The following MYH2 variants were observed in gnomAD, a reference collection of about 807,000 sequenced individuals.
MYH2 encodes myosin-2.
MYH2 carries 139 observed loss-of-function variants against 228.1 expected under a neutral mutation model. That is an observed-to-expected ratio of 0.61 (90% CI 0.53 to 0.70). The LOEUF is 0.70. Among genes scored for constraint, MYH2 ranks in the 30% least tolerant of loss-of-function variants. The pLI is 0.00. For missense variants in MYH2, 1,809 were observed against 2,357.5 expected (o/e 0.77, Z 4.82); for synonymous variants, 796 against 871.1 (o/e 0.91, Z 1.52).
intron 12 of MYH2, 135 bp from the exon 13 acceptor site, chr17:10,539,697 A>G: frequency 8.4e-7 from 1 of 1,193,008 alleles, no homozygotes; most frequent in Non-Finnish European, 1.2e-6. Context: ...CCATTTGTTC[A>G]TTAAGTTCAA....
intron 35 of MYH2, 21 bp from the exon 36 acceptor site, chr17:10,523,905 C>T: frequency 6.2e-7 from 1 of 1,607,758 alleles, no homozygotes; most frequent in Non-Finnish European, 8.5e-7. Context: ...AGAATTTGTA[C>T]ATTTAAAAAA....
chr17:10,526,530 TC>T, intron 30 of MYH2, 68 bp downstream of exon 30: 1 of 1,602,576 alleles, frequency 6.2e-7, no homozygotes, highest in Non-Finnish European at 8.6e-7. Context: ...CACTGAATCT[TC>T]AAAGGTCATG....
In MYH2 at chr17:10,528,986, C is replaced by G; in HGVS notation, c.3448G>C (p.Glu1150Gln). The G allele has an allele frequency of 6.2e-7, 1 of 1,614,204 alleles. No homozygotes were observed. The highest frequency in any genetic ancestry group is 1.3e-5 in the African/African-American group (1 of 75,074). Residue 1150 changes from glutamate (E) to glutamine (Q), a missense_variant, in exon 27 of 40, where the codon GAG becomes CAG. Coordinates refer to ENST00000245503, the MANE Select transcript of MYH2 (RefSeq NM_017534.6). The stretch of plus-strand genomic sequence containing the variant: ...TCTTCCAGCCTCTCGCTGATCTCCT[C>G]CAGCTCCCGGGAGAGGTCAGAGCGC... The part of the protein sequence containing the change: ...KQRSDLSREL[E>Q]EISERLEEAG...
chr17:10,531,060 G>A (rs1315351430), intron 22 of MYH2, among the ~76,000 whole-genome samples: 1 of 152,208 alleles, frequency 6.6e-6, no homozygotes, highest in Admixed American at 6.5e-5. Context: ...AGACAATTGG[G>A]AAGTAGGCTG....
chr17:10,534,346 G>A lies in MYH2; in HGVS notation c.2181-714C>T, dbSNP rs1413359038. ...TGAATAGCTATGTTTGTATGGAAGA[G>A]TTTCTAACTCAACCACTTAATAACT... On this transcript the variant is annotated intron_variant, in intron 19 of 39. Transcript: ENST00000245503. Among the ~76,000 whole-genome samples, 3 of 152,226 alleles carry A rather than the reference G, an allele frequency of 2.0e-5. No homozygotes were observed. The East Asian group carries it at 5.8e-4, about 29-fold the overall frequency.
At chr17:10,533,254 T>C in intron 21 of MYH2, 31 bp downstream of exon 21, 3 of 1,613,176 alleles carry the variant, frequency 1.9e-6, no homozygotes, top group South Asian at 2.2e-5. Context: ...TTTTTGAAGA[T>C]GGAATATGTG....
chr17:10,535,426 G>T, intron 17 of MYH2, 61 bp from the exon 18 acceptor site: 1 of 1,391,750 alleles, frequency 7.2e-7, no homozygotes, highest in East Asian at 2.3e-5. Context: ...AGCAGTCATT[G>T]GTGTCTATAA....
chr17:10,548,314 T>A (rs1260345458), intron 2 of MYH2, among the ~76,000 whole-genome samples: 6 of 152,212 alleles, frequency 3.9e-5, no homozygotes. Flanking sequence ...TCTGCCTTTC[T>A]AAATTCACAG....
At position 10,544,147 on chromosome 17, in the gene MYH2, C is replaced by G. The variant is rs368387130; in HGVS notation, c.506-20G>C. Reference sequence around the variant, plus strand: ...CTCGGTCTACAAAAGAAATTATAGACATTTAATACTGTTTTCTTACATATT... The same window carrying G: ...CTCGGTCTACAAAAGAAATTATAGAGATTTAATACTGTTTTCTTACATATT... On this transcript the variant is annotated intron_variant, in intron 5 of 39. Coordinates refer to ENST00000245503, the MANE Select transcript of MYH2 (RefSeq NM_017534.6). The G allele has an allele frequency of 2.3e-5, 37 of 1,609,616 alleles. No homozygotes were observed. In the African/African-American group the frequency reaches 4.0e-4, roughly 17 times the overall value.
chr17:10,545,274 T>C, intron 5 of MYH2, 72 bp downstream of exon 5: 1 of 1,610,812 alleles, frequency 6.2e-7, no homozygotes. Context: ...GTGTTGAGAT[T>C]GCCTCGAGTC....
At chr17:10,544,267 T>G (rs1181891068) in intron 5 of MYH2, 140 bp from the exon 6 acceptor site, 1 of 968,900 alleles carries the variant, frequency 1.0e-6, no homozygotes. Flanking sequence ...GACCTACCAC[T>G]TTCTCCCTCC....
chr17:10,524,677 A>G lies in MYH2; in HGVS notation c.4972-8T>C. 2 of 1,614,218 alleles carry G rather than the reference A, an allele frequency of 1.2e-6. No individual in the cohort carries two copies. The highest frequency in any genetic ancestry group is 1.7e-6 in the Non-Finnish European group (2 of 1,180,042). ...CAGGTGGATCTGGGTATCCTGTGAA[A>G]CAAACCATCATTGAGACATCATGTT... On this transcript the variant is annotated splice_region_variant and splice_polypyrimidine_tract_variant and intron_variant, in intron 34 of 39. Coordinates refer to ENST00000245503, the MANE Select transcript of MYH2 (RefSeq NM_017534.6). The surrounding 1 kb of genome is among the most constrained non-coding windows in gnomAD (Gnocchi z 4.7).
chr17:10,536,403 T>C (rs2073482422), intron 17 of MYH2, 127 bp downstream of exon 17: 7 of 703,654 alleles, frequency 9.9e-6, no homozygotes, highest in Non-Finnish European at 1.6e-5. Flanking sequence ...TTAATAAATG[T>C]AATGTGATAT....
At position 10,533,683 on chromosome 17, in the gene MYH2, G is replaced by A. The variant is rs71360269; in HGVS notation, c.2181-51C>T. 91,982 of 1,590,666 alleles carry A rather than the reference G, an allele frequency of 0.058. 3,064 individuals are homozygous for A. Among genetic ancestry groups the A allele is most frequent in the South Asian group, 0.11 (10,001 of 90,392 alleles). On this transcript the variant is annotated intron_variant, in intron 19 of 39. Coordinates refer to ENST00000245503, the MANE Select transcript of MYH2 (RefSeq NM_017534.6). Reference sequence around the variant, plus strand: ...CAACTAGTTTACTGATGACACAAATGCTAGCTAAACATTAAATGATTCATT... The same window carrying A: ...CAACTAGTTTACTGATGACACAAATACTAGCTAAACATTAAATGATTCATT...
chr17:10,523,438 C>G (rs372060789), intron 37 of MYH2, 26 bp from the exon 38 acceptor site: 2 of 1,614,064 alleles, frequency 1.2e-6, no homozygotes, highest in African/African-American at 2.7e-5. Context: ...CTCTTAAGAA[C>G]TTTGATCCAA....
Position 10,540,608 on chromosome 17 carries a change from G to T in MYH2, c.994C>A (p.Leu332Met), listed in dbSNP as rs907817512. 1.9e-6 allele frequency: 3 copies of T among 1,611,366 alleles called. No individual in the cohort carries two copies. The highest frequency in any genetic ancestry group is 2.2e-5 in the East Asian group (1 of 44,868). ...GTTCTACTTACATCTGTGGCCATCA[G>T]TTCTTCCTGATCATCGATGCTGGCC... ...SVASIDDQEE[L>M]MATDSAIDIL... The change falls in exon 11 of 40, where the codon CTG (leucine) becomes ATG (methionine). Residue 332 changes from leucine (L) to methionine (M), a missense_variant. Coordinates refer to ENST00000245503, the MANE Select transcript of MYH2 (RefSeq NM_017534.6).
chr17:10,529,016 T>C lies in MYH2; in HGVS notation c.3418A>G (p.Lys1140Glu). ...TCCCGGGAGAGGTCAGAGCGCTGCT[T>C]CTCTGCTTTGGCCCGGGAGGCCCGC... ...AERASRAKAE[K>E]QRSDLSRELE... The change falls in exon 27 of 40, where the codon AAG becomes GAG. Residue 1140 changes from lysine (K) to glutamate (E), a missense_variant. By Grantham distance (56) the Lys-to-Glu change is moderately conservative (BLOSUM62 1). This residue lies in a region of MYH2 where 636 missense variants were observed against 729.9 expected (regional missense o/e 0.87). Coordinates refer to ENST00000245503, the MANE Select transcript of MYH2 (RefSeq NM_017534.6). 3 of 1,614,224 alleles carry C rather than the reference T, an allele frequency of 1.9e-6. No individual in the cohort carries two copies. The highest frequency in any genetic ancestry group is 1.1e-5 in the South Asian group (1 of 91,084).
Position 10,523,795 on chromosome 17 carries a change from G to T in MYH2, c.5265C>A (p.Arg1755=). The T allele has an allele frequency of 6.2e-7, 1 of 1,614,192 alleles. No individual in the cohort carries two copies. The highest frequency in any genetic ancestry group is 8.5e-7 in the Non-Finnish European group (1 of 1,180,032). Residue 1755 remains arginine, a synonymous_variant, in exon 36 of 40, where the codon CGC becomes CGA. Transcript: ENST00000245503. The part of the protein sequence containing the change: ...GEMEDILQEA[R]NAEEKAKKAI... Reference sequence around the variant, plus strand: ...CCTTCTTGGCCTTTTCTTCTGCATTGCGGGCTTCCTGGAGAATGTCCTCCA... The same window carrying T: ...CCTTCTTGGCCTTTTCTTCTGCATTTCGGGCTTCCTGGAGAATGTCCTCCA...
At position 10,527,864 on chromosome 17, in the gene MYH2, T is replaced by C. The variant is rs2073373192; in HGVS notation, c.3755A>G (p.Glu1252Gly). The C allele has an allele frequency of 5.0e-6, 8 of 1,613,592 alleles. No individual in the cohort carries two copies. Among genetic ancestry groups the C allele is most frequent in the Non-Finnish European group, 6.8e-6 (8 of 1,180,012 alleles). ...GTCCTCTAGAGTCCGGCACATTTTC[T>C]CTAGGTTTCCCTATAGAAGAAAAAG... ...ETVSKAKGNL[E>G]KMCRTLEDQL... Residue 1252 changes from glutamate (E) to glycine (G), a missense_variant, in exon 28 of 40, where the codon GAG (glutamate) becomes GGG (glycine). Glu to Gly is a moderately conservative substitution (Grantham distance 98). Coordinates refer to ENST00000245503, the MANE Select transcript of MYH2 (RefSeq NM_017534.6).
Sources: allele counts gnomAD v4.1 joint callset (sites outside exome capture counted in the v4.1 genomes callset), GRCh38; gene constraint gnomAD v4.1.1; regional missense constraint gnomAD v4.1.1; non-coding constraint Gnocchi (gnomAD v3.1); transcripts MANE v1.5; gene names NCBI Gene and HGNC (gene_info 2026-07-23, HGNC 2026-07-21).